MTHFD1: variants seen among roughly 807,000 people sequenced by gnomAD.
The protein encoded by MTHFD1 is C-1-tetrahydrofolate synthase, cytoplasmic.
A neutral mutation model predicts 110.3 loss-of-function variants in MTHFD1; 44 were observed. The observed-to-expected ratio is 0.40, with a 90% CI of 0.31 to 0.51. The LOEUF is 0.51. MTHFD1 is among the 20% of genes least tolerant of loss of function. The pLI, the probability that MTHFD1 is intolerant of heterozygous loss-of-function variation, is 0.60. For synonymous variants in MTHFD1, 402 were observed against 428.8 expected (o/e 0.94, Z 0.77); for missense variants, 909 against 1,173.1 (o/e 0.77, Z 3.29).
At chr14:64,420,597 A>G (rs1358379639) in intron 8 of MTHFD1, among the ~76,000 whole-genome samples, 1 of 152,040 alleles carries the variant, frequency 6.6e-6, no homozygotes, top group Non-Finnish European at 1.5e-5. Flanking sequence ...ACTGAGTGTT[A>G]CCTTCTCAGC....
chr14:64,414,984 C>T (rs1209793146), intron 4 of MTHFD1, among the ~76,000 whole-genome samples: 1 of 152,154 alleles, frequency 6.6e-6, no homozygotes, highest in Non-Finnish European at 1.5e-5. Flanking sequence ...CCACCGCACC[C>T]AGCCCCTGGC....
intron 15 of MTHFD1, among the ~76,000 whole-genome samples, 166 bp from the exon 16 acceptor site, chr14:64,435,403 T>C (rs2078198458): frequency 6.6e-6 from 1 of 152,204 alleles, no homozygotes; most frequent in Admixed American, 6.5e-5. Context: ...TTCTTTAGGC[T>C]GACAGTAGGA....
intron 2 of MTHFD1, among the ~76,000 whole-genome samples, chr14:64,408,384 G>T (rs950937850): frequency 6.6e-6 from 1 of 151,630 alleles, no homozygotes; most frequent in African/African-American, 2.4e-5. Context: ...TGCCCCCGGG[G>T]TTCAAGGGAT....
chr14:64,419,369 TGC>T (rs1049007315), intron 7 of MTHFD1: 14 of 145,108 alleles, frequency 9.6e-5, no homozygotes, highest in Non-Finnish European at 1.5e-4. Flanking sequence ...AGCCCAAGAA[TGC>T]GCACACACAC....
intron 22 of MTHFD1, 170 bp from the exon 23 acceptor site, chr14:64,448,047 A>C (rs2078308954): frequency 1.5e-6 from 1 of 660,686 alleles, no homozygotes; most frequent in South Asian, 1.7e-5. Context: ...CATAGCATCC[A>C]CTCACCGCAC....
Position 64,431,528 on chromosome 14 carries a change from G to C in MTHFD1, c.1312-4G>C. ...AGACTAATGTGGCTTCTGTTCTTTT[G>C]TAGTTTAATCTCCACCTCACAGGTG... is the stretch of plus-strand genomic sequence containing the variant. On this transcript the variant is annotated splice_polypyrimidine_tract_variant and splice_region_variant and intron_variant, in intron 13 of 27. Coordinates refer to ENST00000652337, the MANE Select transcript of MTHFD1 (RefSeq NM_005956.4). 1 of 1,611,374 alleles carries C rather than the reference G, an allele frequency of 6.2e-7. No individual in the cohort carries two copies.
intron 1 of MTHFD1, among the ~76,000 whole-genome samples, chr14:64,397,355 C>G (rs557795802): frequency 1.3e-5 from 2 of 149,204 alleles, no homozygotes; most frequent in Admixed American, 1.3e-4. Flanking sequence ...TGCAGTGGCG[C>G]GATCTCTGCT....
chr14:64,451,609 A>G (rs2078373788), intron 24 of MTHFD1, among the ~76,000 whole-genome samples: 1 of 152,262 alleles, frequency 6.6e-6, no homozygotes, highest in South Asian at 2.1e-4. Flanking sequence ...CCAGGCTCCA[A>G]TGCATAGCAC....
At chr14:64,422,833 A>C (rs2078085391) in intron 8 of MTHFD1, 1 of 152,132 alleles carries the variant, frequency 6.6e-6, no homozygotes, top group Non-Finnish European at 1.5e-5. Context: ...AGTAGTGGTC[A>C]CTTTTTCCAC....
At chr14:64,395,026 TCA>T (rs2077835842) in intron 1 of MTHFD1, among the ~76,000 whole-genome samples, 1 of 152,206 alleles carries the variant, frequency 6.6e-6, no homozygotes, top group Non-Finnish European at 1.5e-5. Flanking sequence ...AGACTAATTC[TCA>T]GTGTTAGAAT....
Position 64,425,726 on chromosome 14 carries a change from T to G in MTHFD1, c.856-4T>G, listed in dbSNP as rs748687749. On this transcript the variant is annotated splice_region_variant and splice_polypyrimidine_tract_variant and intron_variant, in intron 9 of 27. Transcript: ENST00000652337. ...CTAAGTTTCATTTATTTCATTTTGC[T>G]TAGAGCACAGTAGAGAGTGCCAAGC... is the stretch of plus-strand genomic sequence containing the variant. 9.9e-6 allele frequency: 16 copies of G among 1,611,064 alleles called. No individual in the cohort carries two copies. Among genetic ancestry groups the G allele is most frequent in the African/African-American group, 1.3e-5 (1 of 74,948 alleles).
At chr14:64,401,821 T>A (rs1358169236) in intron 2 of MTHFD1, among the ~76,000 whole-genome samples, 2 of 152,216 alleles carry the variant, frequency 1.3e-5, no homozygotes, top group African/African-American at 4.8e-5. Flanking sequence ...AAAACTTTTT[T>A]AAAAAGAAAA....
At position 64,400,774 on chromosome 14, in the gene MTHFD1, C is replaced by T. The variant is rs768526591; in HGVS notation, c.42-19C>T. The stretch of plus-strand genomic sequence containing the variant: ...CTTGAAACATTCAGTGTTAACCCCA[C>T]CCTTTCCTTTTTCTCTAGGCAAATA... On this transcript the variant is annotated intron_variant, in intron 1 of 27. Coordinates refer to ENST00000652337, the MANE Select transcript of MTHFD1 (RefSeq NM_005956.4). The T allele has an allele frequency of 6.5e-7, 1 of 1,549,536 alleles. No individual in the cohort carries two copies. Among genetic ancestry groups the T allele is most frequent in the South Asian group, 1.1e-5 (1 of 89,322 alleles).
At chr14:64,398,267 G>C (rs975375147) in intron 1 of MTHFD1, among the ~76,000 whole-genome samples, 1 of 152,170 alleles carries the variant, frequency 6.6e-6, no homozygotes, top group African/African-American at 2.4e-5. Context: ...AATTTGAACT[G>C]GGTGCAGTGG....
chr14:64,450,002 G>T lies in MTHFD1; in HGVS notation c.2457+380G>T, dbSNP rs1288476120. Among the ~76,000 whole-genome samples, 3 of 152,162 alleles carry T rather than the reference G, an allele frequency of 2.0e-5. No individual in the cohort carries two copies. In the East Asian group the frequency reaches 5.8e-4, roughly 29 times the overall value. On this transcript the variant is annotated intron_variant, in intron 24 of 27. Coordinates refer to ENST00000652337, the MANE Select transcript of MTHFD1 (RefSeq NM_005956.4). ...AGATGGGGTTTCACCATCTTGGCCAGGCTGGTCTCGAACTCCTGACCTCGT... is the reference window on the plus strand; with the variant it reads ...AGATGGGGTTTCACCATCTTGGCCATGCTGGTCTCGAACTCCTGACCTCGT...
chr14:64,411,990 C>T (rs2077989064), intron 3 of MTHFD1, among the ~76,000 whole-genome samples: 2 of 151,862 alleles, frequency 1.3e-5, no homozygotes, highest in Admixed American at 1.3e-4. Flanking sequence ...CAGAATTGGG[C>T]AGGGGAAAAA....
At chr14:64,441,759 C>T (rs112401206) in intron 19 of MTHFD1, 7,742 of 548,200 alleles carry the variant, frequency 0.014, 167 homozygotes, top group South Asian at 0.06. Context: ...GCCGAGATCA[C>T]GCCACTGCAC....
chr14:64,416,098 A>G (rs2078023746), intron 6 of MTHFD1, among the ~76,000 whole-genome samples: 1 of 152,118 alleles, frequency 6.6e-6, no homozygotes, highest in Non-Finnish European at 1.5e-5. Flanking sequence ...CAAAAAAATT[A>G]TCCAGGCAGG....
chr14:64,455,015 G>A, intron 26 of MTHFD1, 140 bp downstream of exon 26: 2 of 855,786 alleles, frequency 2.3e-6, no homozygotes, highest in Middle Eastern at 2.2e-4. Context: ...TATGATTGCT[G>A]TGGATCATAA....
Sources: gnomAD v4.1 joint callset for allele counts (sites outside exome capture counted in the v4.1 genomes callset) on GRCh38, gnomAD v4.1.1 for gene constraint, MANE v1.5 for transcripts, NCBI Gene and HGNC (gene_info 2026-07-23, HGNC 2026-07-21) for gene names.